XYLT1: variants seen among roughly 807,000 people sequenced by gnomAD.
The protein encoded by XYLT1 is xylosyltransferase 1.
XYLT1 carries 36 observed loss-of-function variants against 91.3 expected under a neutral mutation model. That is an observed-to-expected ratio of 0.39 (90% CI 0.30 to 0.52). The LOEUF is 0.52. Among genes scored for constraint, XYLT1 ranks in the 20% least tolerant of loss-of-function variants. The probability of loss-of-function intolerance (pLI) is 0.68; values close to 1 mark genes in which losing one functional copy is unlikely to be tolerated. For missense variants in XYLT1, 1,242 were observed against 1,284.5 expected (o/e 0.97, Z 0.51); for synonymous variants, 588 against 532.0 (o/e 1.11, Z -1.45).
chr16:17,266,724 A>G (rs568506878), intron 2 of XYLT1, among the ~76,000 whole-genome samples: 1 of 152,348 alleles, frequency 6.6e-6, no homozygotes, highest in East Asian at 1.9e-4. Flanking sequence ...GTGCACGCAC[A>G]GCCGGCTGGG....
At chr16:17,246,710 G>A (rs1053018501) in intron 3 of XYLT1, among the ~76,000 whole-genome samples, 5 of 152,210 alleles carry the variant, frequency 3.3e-5, no homozygotes, top group Non-Finnish European at 7.3e-5. Context: ...TTCAGGAAGT[G>A]CCTAAGAAAT....
chr16:17,410,731 C>A (rs1360895161), intron 1 of XYLT1, among the ~76,000 whole-genome samples: 1 of 151,534 alleles, frequency 6.6e-6, no homozygotes, highest in East Asian at 1.9e-4. Context: ...CAACCTCTGC[C>A]TCCTAGGTTC....
chr16:17,280,552 A>G (rs1282017186), intron 2 of XYLT1, among the ~76,000 whole-genome samples: 1 of 152,202 alleles, frequency 6.6e-6, no homozygotes, highest in African/African-American at 2.4e-5. Context: ...CCTTCCATGT[A>G]CCAATTTTGT....
At chr16:17,310,432 A>G (rs1181793313) in intron 2 of XYLT1, among the ~76,000 whole-genome samples, 1 of 152,192 alleles carries the variant, frequency 6.6e-6, no homozygotes, top group Non-Finnish European at 1.5e-5. Context: ...CCACTCAGTG[A>G]CTGGCATCTG....
intron 3 of XYLT1, among the ~76,000 whole-genome samples, chr16:17,243,894 G>C (rs960988414): frequency 2.1e-4 from 32 of 152,148 alleles, no homozygotes; most frequent in Non-Finnish European, 1.6e-4. Context: ...ATGGAGAGAA[G>C]CAGATGCCCA....
chr16:17,270,575 G>A (rs1458927278), intron 2 of XYLT1, among the ~76,000 whole-genome samples: 2 of 152,220 alleles, frequency 1.3e-5, no homozygotes, highest in African/African-American at 4.8e-5. Context: ...AGACGAAAAG[G>A]AAGGAAATGC....
At chr16:17,450,281 T>C (rs960377772) in intron 1 of XYLT1, among the ~76,000 whole-genome samples, 2 of 151,858 alleles carry the variant, frequency 1.3e-5, no homozygotes, top group African/African-American at 4.8e-5. Flanking sequence ...GAGGTTGCAG[T>C]GAGCTGAGAT....
chr16:17,302,529 G>A (rs1367797087), intron 2 of XYLT1, among the ~76,000 whole-genome samples: 1 of 152,220 alleles, frequency 6.6e-6, no homozygotes, highest in Non-Finnish European at 1.5e-5. Flanking sequence ...ATACAGGGCA[G>A]TGGAAGGGAC....
At chr16:17,430,670 T>C (rs2036379725) in intron 1 of XYLT1, among the ~76,000 whole-genome samples, 1 of 152,176 alleles carries the variant, frequency 6.6e-6, no homozygotes, top group Admixed American at 6.5e-5. Context: ...GAATTCTTTT[T>C]TTCCCCACCC....
intron 1 of XYLT1, among the ~76,000 whole-genome samples, chr16:17,460,878 T>C (rs1336176360): frequency 6.6e-6 from 1 of 152,204 alleles, no homozygotes; most frequent in East Asian, 1.9e-4. Flanking sequence ...CTCCTGGCTC[T>C]AGCAAACATC....
At position 17,198,356 on chromosome 16, in the gene XYLT1, C is replaced by T. The variant is rs752834768; in HGVS notation, c.1145G>A (p.Arg382His). Residue 382 changes from arginine (R) to histidine (H), a missense_variant, in exon 5 of 12, where the codon CGC (arginine) becomes CAC (histidine). Coordinates refer to ENST00000261381, the MANE Select transcript of XYLT1 (RefSeq NM_022166.4). ...LQVSRQYSNV[R>H]VTPWRMATIW... Reference sequence around the variant, plus strand: ...GGTGGCCATTCTCCAGGGGGTGACGCGGACATTGCTGTACTGCCTGGAGAC... The same window carrying T: ...GGTGGCCATTCTCCAGGGGGTGACGTGGACATTGCTGTACTGCCTGGAGAC... The T allele has an allele frequency of 2.1e-5, 34 of 1,614,078 alleles. No individual in the cohort carries two copies. Among genetic ancestry groups the T allele is most frequent in the Non-Finnish European group, 2.7e-5 (32 of 1,180,034 alleles).
chr16:17,265,797 T>G (rs2033795387), intron 2 of XYLT1, among the ~76,000 whole-genome samples: 1 of 151,270 alleles, frequency 6.6e-6, no homozygotes, highest in Non-Finnish European at 1.5e-5. Context: ...ATACTTAGTC[T>G]ACTGAATCCT....
intron 9 of XYLT1, among the ~76,000 whole-genome samples, chr16:17,133,298 TA>T (rs1004228888): frequency 2.9e-4 from 42 of 144,496 alleles, no homozygotes; most frequent in African/African-American, 6.1e-4. Flanking sequence ...AGACTGACGC[TA>T]AAAAAAAAAG....
chr16:17,230,944 C>T (rs2033148704), intron 3 of XYLT1, among the ~76,000 whole-genome samples: 1 of 152,190 alleles, frequency 6.6e-6, no homozygotes, highest in Non-Finnish European at 1.5e-5. Context: ...AGGATAGCAC[C>T]TGACAATAAA....
chr16:17,461,950 CCA>C (rs1163289911), intron 1 of XYLT1, among the ~76,000 whole-genome samples: 2 of 152,188 alleles, frequency 1.3e-5, no homozygotes, highest in African/African-American at 4.8e-5. Flanking sequence ...TTTAGTCCTT[CCA>C]CAGTGTTTGG....
chr16:17,274,447 C>G (rs769752442), intron 2 of XYLT1, among the ~76,000 whole-genome samples: 11 of 152,084 alleles, frequency 7.2e-5, no homozygotes, highest in Non-Finnish European at 1.5e-4. Flanking sequence ...GTGTCCACTC[C>G]CTGACAGATG....
chr16:17,159,011 CT>C (rs1462725147), intron 5 of XYLT1, 102 bp from the exon 6 acceptor site: 1 of 989,014 alleles, frequency 1.0e-6, no homozygotes, highest in East Asian at 2.4e-5. Context: ...CTTGAAGCAC[CT>C]TCTCTGATCA....
intron 1 of XYLT1, among the ~76,000 whole-genome samples, chr16:17,406,317 G>T (rs949730508): frequency 6.6e-6 from 1 of 152,218 alleles, no homozygotes; most frequent in Non-Finnish European, 1.5e-5. Flanking sequence ...GTCACCACCT[G>T]CATGTAGCTT....
intron 2 of XYLT1, among the ~76,000 whole-genome samples, chr16:17,347,806 T>C (rs1056081998): frequency 7.2e-5 from 11 of 152,152 alleles, no homozygotes; most frequent in Non-Finnish European, 1.5e-4. Flanking sequence ...TACAAAGAGA[T>C]TCTTTATAAG....
Sources: gnomAD v4.1 joint callset for allele counts (sites outside exome capture counted in the v4.1 genomes callset) on GRCh38, gnomAD v4.1.1 for gene constraint, MANE v1.5 for transcripts, NCBI Gene and HGNC (gene_info 2026-07-23, HGNC 2026-07-21) for gene names.